The following SLC9A4 variants were observed in gnomAD, a reference collection of about 807,000 sequenced individuals.
SLC9A4 encodes solute carrier family 9 member A4.
SLC9A4 carries 63 observed loss-of-function variants against 67.4 expected under a neutral mutation model. The ratio of observed to expected loss-of-function variants is 0.93; its 90% CI spans 0.76 to 1.15. SLC9A4 has a LOEUF of 1.15. SLC9A4 is among the 50% of genes most tolerant of loss of function. SLC9A4 has a pLI of 0.00. For synonymous variants in SLC9A4, 393 were observed against 367.2 expected (o/e 1.07, Z -0.80); for missense variants, 1,089 against 987.7 (o/e 1.10, Z -1.38).
chr2:102,499,639 C>G (rs932925372), intron 2 of SLC9A4, among the ~76,000 whole-genome samples: 1 of 152,162 alleles, frequency 6.6e-6, no homozygotes, highest in Non-Finnish European at 1.5e-5. Flanking sequence ...TGGCACCAAG[C>G]TTTCTGATTC....
intron 2 of SLC9A4, among the ~76,000 whole-genome samples, chr2:102,495,920 A>T (rs1370963016): frequency 6.6e-6 from 1 of 152,168 alleles, no homozygotes; most frequent in Admixed American, 6.5e-5. Flanking sequence ...GGAAGAAAAC[A>T]TGGAAGTAAA....
chr2:102,525,229 C>A, intron 10 of SLC9A4, 74 bp downstream of exon 10: 1 of 1,588,738 alleles, frequency 6.3e-7, no homozygotes. Flanking sequence ...TGTTCCTGTA[C>A]AGGATCTCAC....
At chr2:102,526,534 C>T (rs1674669302) in intron 11 of SLC9A4, among the ~76,000 whole-genome samples, 188 bp downstream of exon 11, 1 of 152,150 alleles carries the variant, frequency 6.6e-6, no homozygotes, top group Non-Finnish European at 1.5e-5. Flanking sequence ...ATTTGAATTT[C>T]GTATAATTTT....
At chr2:102,506,824 A>ATTAACCCCATACTCTTACAGT (rs1431972866) in intron 4 of SLC9A4, among the ~76,000 whole-genome samples, 2 of 152,164 alleles carry the variant, frequency 1.3e-5, no homozygotes, top group African/African-American at 4.8e-5. Context: ...TTAATCCTTC[A>ATTAACCCCATACTCTTACAGT]TGATCCAGCT....
chr2:102,489,649 C>A (rs1352459612), intron 2 of SLC9A4, among the ~76,000 whole-genome samples: 2 of 152,200 alleles, frequency 1.3e-5, no homozygotes, highest in Non-Finnish European at 2.9e-5. Context: ...ATTCAGTTCA[C>A]CAGCTTGGCC....
At chr2:102,484,650 G>A (rs1684547056) in intron 2 of SLC9A4, among the ~76,000 whole-genome samples, 1 of 152,178 alleles carries the variant, frequency 6.6e-6, no homozygotes, top group Non-Finnish European at 1.5e-5. Flanking sequence ...AGATGGGAGG[G>A]CGGATTGTTC....
intron 1 of SLC9A4, among the ~76,000 whole-genome samples, chr2:102,476,462 G>A (rs1333611854): frequency 6.6e-6 from 1 of 152,194 alleles, no homozygotes; most frequent in Non-Finnish European, 1.5e-5. Flanking sequence ...CTACTTATAG[G>A]TGTGTGGCCT....
Position 102,479,222 on chromosome 2 carries a change from G to A in SLC9A4, c.640G>A (p.Val214Met), listed in dbSNP as rs1684404883. The change falls in exon 2 of 12, where the codon GTG becomes ATG. Residue 214 changes from valine (V) to methionine (M), a missense_variant. By Grantham distance (21) the Val-to-Met change is conservative (BLOSUM62 1). Transcript: ENST00000295269. ...SAVDPVAVLAVFEEARVNEQL... is the reference protein window; with the variant it reads ...SAVDPVAVLAMFEEARVNEQL... Reference sequence around the variant, plus strand: ...CGTGGACCCAGTGGCCGTGCTAGCCGTGTTTGAGGAAGCGCGCGTGAACGA... The same window carrying A: ...CGTGGACCCAGTGGCCGTGCTAGCCATGTTTGAGGAAGCGCGCGTGAACGA... 1 of 1,614,188 alleles carries A rather than the reference G, an allele frequency of 6.2e-7. No homozygotes were observed. The highest frequency in any genetic ancestry group is 8.5e-7 in the Non-Finnish European group (1 of 1,180,034).
intron 3 of SLC9A4, 37 bp from the exon 4 acceptor site, chr2:102,505,217 C>G: frequency 1.9e-6 from 3 of 1,595,052 alleles, no homozygotes; most frequent in Non-Finnish European, 2.6e-6. Context: ...GGGGGAAAAC[C>G]TCATGGATTT....
intron 2 of SLC9A4, among the ~76,000 whole-genome samples, chr2:102,492,558 C>T (rs1302665282): frequency 6.6e-6 from 1 of 152,234 alleles, no homozygotes; most frequent in African/African-American, 2.4e-5. Flanking sequence ...GCTGAAGCAG[C>T]TGAGACACAC....
chr2:102,522,316 A>G (rs1328005543), intron 9 of SLC9A4, among the ~76,000 whole-genome samples: 1 of 152,124 alleles, frequency 6.6e-6, no homozygotes, highest in Non-Finnish European at 1.5e-5. Flanking sequence ...GGCATCAGGA[A>G]CACTGCACTG....
intron 2 of SLC9A4, among the ~76,000 whole-genome samples, chr2:102,496,088 C>G (rs1221440758): frequency 6.6e-6 from 1 of 151,894 alleles, no homozygotes; most frequent in Non-Finnish European, 1.5e-5. Context: ...AAAAAGCAAG[C>G]TACATATGAA....
At chr2:102,492,687 A>G (rs1021085038) in intron 2 of SLC9A4, among the ~76,000 whole-genome samples, 3 of 152,082 alleles carry the variant, frequency 2.0e-5, no homozygotes, top group Non-Finnish European at 4.4e-5. Flanking sequence ...AAGGTCTCTG[A>G]TATGTCCTGG....
chr2:102,490,509 A>G (rs1684673578), intron 2 of SLC9A4, among the ~76,000 whole-genome samples: 1 of 152,196 alleles, frequency 6.6e-6, no homozygotes, highest in Admixed American at 6.5e-5. Context: ...ATATTGGATT[A>G]AGGCCCCACC....
intron 9 of SLC9A4, among the ~76,000 whole-genome samples, chr2:102,523,645 T>C (rs1054708599): frequency 6.6e-6 from 1 of 152,216 alleles, no homozygotes; most frequent in South Asian, 2.1e-4. Context: ...AAAAAGCACA[T>C]GACCTGGAAA....
intron 2 of SLC9A4, among the ~76,000 whole-genome samples, chr2:102,494,382 A>C (rs1490980321): frequency 6.7e-6 from 1 of 149,378 alleles, no homozygotes; most frequent in Non-Finnish European, 1.5e-5. Flanking sequence ...AATTCTAACA[A>C]GTATTCAATA....
intron 10 of SLC9A4, among the ~76,000 whole-genome samples, chr2:102,526,054 A>T (rs1230092896): frequency 1.3e-5 from 2 of 151,922 alleles, no homozygotes; most frequent in Non-Finnish European, 2.9e-5. Flanking sequence ...CGCCCTGCTA[A>T]TTTTTGTATT....
chr2:102,491,619 C>A (rs1208342436), intron 2 of SLC9A4, among the ~76,000 whole-genome samples: 2 of 152,052 alleles, frequency 1.3e-5, no homozygotes, highest in Non-Finnish European at 2.9e-5. Context: ...CCCACTGGGT[C>A]CCTCCCATGA....
rs574822670 is a variant in SLC9A4, at chr2:102,475,285, C to G, written c.256+1270C>G. Among the ~76,000 whole-genome samples, 3 of 152,310 alleles carry G rather than the reference C, an allele frequency of 2.0e-5. No individual in the cohort carries two copies. In the East Asian group the frequency reaches 5.8e-4, roughly 29 times the overall value. On this transcript the variant is annotated intron_variant, in intron 1 of 11. Transcript: ENST00000295269. Reference sequence around the variant, plus strand: ...ACTGATTGTGTTCAAGGTGATCTTACTTGGTACTTGAGTTTTCCTTTTAAA... The same window carrying G: ...ACTGATTGTGTTCAAGGTGATCTTAGTTGGTACTTGAGTTTTCCTTTTAAA...
Sources: gnomAD v4.1 joint callset for allele counts (sites outside exome capture counted in the v4.1 genomes callset) on GRCh38, gnomAD v4.1.1 for gene constraint, MANE v1.5 for transcripts, NCBI Gene and HGNC (gene_info 2026-07-23, HGNC 2026-07-21) for gene names.